Variants in DNAH3 observed in about 807,000 individuals in gnomAD.
DNAH3 encodes dynein axonemal heavy chain 3.
A neutral mutation model predicts 432.5 loss-of-function variants in DNAH3; 332 were observed. That is an observed-to-expected ratio of 0.77 (90% CI 0.70 to 0.84). The LOEUF (loss-of-function observed/expected upper bound fraction) is 0.84, where lower values mean the gene tolerates loss of function less well. Among genes scored for constraint, DNAH3 ranks in the 40% least tolerant of loss-of-function variants. DNAH3 has a pLI of 0.00. For missense variants in DNAH3, 4,861 were observed against 5,114.0 expected, an observed-to-expected ratio of 0.95 and a Z score of 1.51; for synonymous variants, 1,956 against 1,900.2, an observed-to-expected ratio of 1.03 and a Z score of -0.76.
At chr16:21,094,946 C>T (rs1474655636) in intron 18 of DNAH3, among the ~76,000 whole-genome samples, 1 of 152,172 alleles carries the variant, frequency 6.6e-6, no homozygotes, top group African/African-American at 2.4e-5. Context: ...TCCTCCTTCA[C>T]CTTCCACCAT....
At position 21,137,073 on chromosome 16, in the gene DNAH3, G is replaced by T. The variant is rs544970999; in HGVS notation, c.697-560C>A. The stretch of plus-strand genomic sequence containing the variant: ...TGCTGGAACCCAGGAGGTGGAGGTT[G>T]CAGTGAGCCAAGGTCATGCCACTGC... On this transcript the variant is annotated intron_variant, in intron 5 of 61. Coordinates refer to ENST00000261383, the Ensembl canonical transcript of DNAH3. Among the ~76,000 whole-genome samples, 23 of 152,170 alleles carry T rather than the reference G, an allele frequency of 1.5e-4. No homozygotes were observed. In the South Asian group the frequency reaches 4.6e-3, roughly 30 times the overall value.
rs957802243 is a variant in DNAH3 at position 20,951,937 on chromosome 16, T to G, written c.11188+496A>C. ...TTTTTATATTTTTAGTAGAGACAGG[T>G]TTTCACCGTGTTACCCAGGATGGTC... On this transcript the variant is annotated intron_variant, in intron 56 of 61. Coordinates refer to ENST00000261383, the Ensembl canonical transcript of DNAH3. Among the ~76,000 whole-genome samples, 98 of 150,762 alleles carry G rather than the reference T, an allele frequency of 6.5e-4. 1 individual carries two copies. The highest frequency in any genetic ancestry group is 1.6e-3 in the Admixed American group (24 of 15,112).
At chr16:21,153,390 C>G (rs1345784208) in intron 1 of DNAH3, among the ~76,000 whole-genome samples, 1 of 151,958 alleles carries the variant, frequency 6.6e-6, no homozygotes, top group Non-Finnish European at 1.5e-5. Flanking sequence ...CTGTGTCTAG[C>G]TAATCTGGTG....
chr16:20,988,335 A>G (rs1188083819), intron 44 of DNAH3, among the ~76,000 whole-genome samples: 1 of 152,228 alleles, frequency 6.6e-6, no homozygotes, highest in Non-Finnish European at 1.5e-5. Context: ...TGCTCAGTAC[A>G]GATATAGAGC....
At chr16:20,991,021 A>AAAAC (rs1030549999) in intron 44 of DNAH3, among the ~76,000 whole-genome samples, 1 of 152,126 alleles carries the variant, frequency 6.6e-6, no homozygotes. Flanking sequence ...ACTCTGTCTC[A>AAAAC]AAACAAACAA....
chr16:20,944,442 G>A, intron 58 of DNAH3, 54 bp downstream of exon 58: 1 of 1,600,808 alleles, frequency 6.2e-7, no homozygotes, highest in Non-Finnish European at 8.6e-7. Context: ...GTGCCCACTG[G>A]ATGAAGAACT....
At chr16:21,027,455 T>C (rs946986535) in intron 37 of DNAH3, among the ~76,000 whole-genome samples, 2 of 152,150 alleles carry the variant, frequency 1.3e-5, no homozygotes, top group African/African-American at 4.8e-5. Context: ...CACATACATA[T>C]ACTATATAGA....
At chr16:21,131,275 C>T (rs890092987) in intron 7 of DNAH3, among the ~76,000 whole-genome samples, 2 of 151,778 alleles carry the variant, frequency 1.3e-5, no homozygotes, top group Non-Finnish European at 2.9e-5. Context: ...GCAGTGAACT[C>T]TAATCATGCC....
chr16:20,964,554 G>A (rs2084966637), exon 53 of DNAH3: 1 of 1,614,178 alleles, frequency 6.2e-7, no homozygotes. Flanking sequence ...TCCTCATGTA[G>A]TTGCTATCAG....
At chr16:21,017,545 G>A (rs1259037953) in intron 41 of DNAH3, among the ~76,000 whole-genome samples, 1 of 152,124 alleles carries the variant, frequency 6.6e-6, no homozygotes, top group Non-Finnish European at 1.5e-5. Context: ...TGGCACCAAT[G>A]TTCACCTCAC....
intron 31 of DNAH3, among the ~76,000 whole-genome samples, chr16:21,044,952 C>T (rs1485743512): frequency 4.0e-5 from 6 of 149,528 alleles, no homozygotes; most frequent in Admixed American, 3.4e-4. Flanking sequence ...TTGTCTTTGG[C>T]TCTGTTTATA....
intron 1 of DNAH3, among the ~76,000 whole-genome samples, chr16:21,148,518 A>T (rs1296187017): frequency 6.6e-6 from 1 of 151,666 alleles, no homozygotes; most frequent in African/African-American, 2.4e-5. Flanking sequence ...GCTCACTACA[A>T]CTGCAACCTC....
chr16:20,984,532 T>C (rs760803983), intron 48 of DNAH3, among the ~76,000 whole-genome samples: 1 of 152,154 alleles, frequency 6.6e-6, no homozygotes, highest in Non-Finnish European at 1.5e-5. Flanking sequence ...GCAAGGGTAA[T>C]TCTCAGAGGA....
intron 33 of DNAH3, among the ~76,000 whole-genome samples, chr16:21,039,064 TG>T (rs1369069426): frequency 6.6e-6 from 1 of 152,206 alleles, no homozygotes; most frequent in Non-Finnish European, 1.5e-5. Context: ...CGTACACACT[TG>T]AAGACACTGA....
In DNAH3 at chr16:20,952,421, T is replaced by A. The variant is rs2084358208; in HGVS notation, c.11188+12A>T. On this transcript the variant is annotated intron_variant, in intron 56 of 61. Coordinates refer to ENST00000261383, the Ensembl canonical transcript of DNAH3. ...TGGAGGTTTACAGTGGAAAAACTCC[T>A]CCCGTAAATACCTGTCAGGTAGGTC... 1.3e-6 allele frequency: 2 copies of A among 1,543,374 alleles called. No individual in the cohort carries two copies. The highest frequency in any genetic ancestry group is 9.0e-7 in the Non-Finnish European group (1 of 1,116,040).
exon 52 of DNAH3, chr16:20,969,892 C>G: frequency 6.2e-7 from 1 of 1,614,148 alleles, no homozygotes; most frequent in Non-Finnish European, 8.5e-7. Context: ...TCTGCATCGA[C>G]TTCACCAGCG....
At chr16:20,939,935 CA>C (rs1252960239) in intron 59 of DNAH3, among the ~76,000 whole-genome samples, 1 of 152,206 alleles carries the variant, frequency 6.6e-6, no homozygotes, top group Non-Finnish European at 1.5e-5. Flanking sequence ...ATTCAAAAAT[CA>C]AATCCAGGTG....
intron 3 of DNAH3, among the ~76,000 whole-genome samples, chr16:21,142,462 AAAT>A (rs1189387512): frequency 6.6e-6 from 1 of 152,192 alleles, no homozygotes; most frequent in Non-Finnish European, 1.5e-5. Flanking sequence ...TGATTATCAC[AAAT>A]AAAAAATAAG....
At chr16:20,988,595 G>A (rs756592891) in intron 44 of DNAH3, among the ~76,000 whole-genome samples, 2 of 152,054 alleles carry the variant, frequency 1.3e-5, no homozygotes, top group African/African-American at 4.8e-5. Flanking sequence ...ATGAGACACC[G>A]CGCCCAGCCT....
Sources: gnomAD v4.1 joint callset for allele counts (sites outside exome capture counted in the v4.1 genomes callset) on GRCh38, gnomAD v4.1.1 for gene constraint, MANE v1.5 for transcripts, NCBI Gene and HGNC (gene_info 2026-07-23, HGNC 2026-07-21) for gene names.